ANKRD45: variants seen among roughly 807,000 people sequenced by gnomAD.
ANKRD45 encodes the protein ankyrin repeat domain 45, also known as ankyrin repeat domain-containing protein 45.
ANKRD45 carries 21 observed loss-of-function variants against 28.1 expected under a neutral mutation model. The observed-to-expected ratio is 0.75, with a 90% CI of 0.53 to 1.08. The LOEUF is 1.08. Ranked by LOEUF, ANKRD45 falls within the 50% of genes least tolerant of loss-of-function variation. ANKRD45 has a pLI of 0.00. For missense variants in ANKRD45, 261 were observed against 308.7 expected, an observed-to-expected ratio of 0.85 and a Z score of 1.16; for synonymous variants, 86 against 103.9, an observed-to-expected ratio of 0.83 and a Z score of 1.05.
chr1:173,678,261 A>T, the ANKRD45 span, among the ~76,000 whole-genome samples: 4 of 152,192 alleles, frequency 2.6e-5, no homozygotes, highest in African/African-American at 4.8e-5. Flanking sequence ...ACAAAACAAA[A>T]AAAGAAAATT....
At position 173,669,801 on chromosome 1, in the gene ANKRD45, G is replaced by C. The variant is rs1670188032; in HGVS notation, c.-16+16C>G. On this transcript the variant is annotated intron_variant, in intron 1 of 5. Transcript: ENST00000333279. ...GTGCCCACCCCGGCCCACAGCGCCA[G>C]GACCCCTAGACTCACCACACCCGGG... The C allele has an allele frequency of 4.6e-6, 1 of 218,758 alleles. No homozygotes were observed. The highest frequency in any genetic ancestry group is 1.0e-5 in the Non-Finnish European group (1 of 97,346). 13.6% of individuals were successfully genotyped at this position (218,758 alleles called of 1,614,324 possible).
the ANKRD45 span, among the ~76,000 whole-genome samples, chr1:173,685,952 T>C: frequency 6.6e-6 from 1 of 152,090 alleles, no homozygotes; most frequent in African/African-American, 2.4e-5. Flanking sequence ...TTTAGGAAAT[T>C]ACAAAAACCG....
the ANKRD45 span, among the ~76,000 whole-genome samples, chr1:173,706,728 ATTCT>A: frequency 9.9e-5 from 15 of 152,148 alleles, no homozygotes; most frequent in African/African-American, 3.1e-4. Context: ...AGTCTTTTAG[ATTCT>A]TTCTAATTTT....
rs558787622 is a variant in ANKRD45, at chr1:173,652,797, G to A, written c.329-5784C>T. Among the ~76,000 whole-genome samples, 81 of 151,710 alleles carry A rather than the reference G, an allele frequency of 5.3e-4. 1 individual carries two copies. The highest frequency in any genetic ancestry group is 1.8e-3 in the African/African-American group (74 of 41,170). The stretch of plus-strand genomic sequence containing the variant: ...GATCCTGTTATTGGTCTATTCAGCA[G>A]TTCAACTTCTTCCTGGTTTAGTCTT... On this transcript the variant is annotated intron_variant, in intron 2 of 5. Coordinates refer to ENST00000333279, the MANE Select transcript of ANKRD45 (RefSeq NM_198493.3).
At chr1:173,617,697 G>A (rs993179014) in intron 5 of ANKRD45, among the ~76,000 whole-genome samples, 8 of 152,218 alleles carry the variant, frequency 5.3e-5, no homozygotes, top group African/African-American at 1.9e-4. Flanking sequence ...CAGCCTTTCG[G>A]CCTGCTGGCT....
At chr1:173,647,147 A>G (rs1051706284) in intron 2 of ANKRD45, 134 bp from the exon 3 acceptor site, 5 of 760,716 alleles carry the variant, frequency 6.6e-6, no homozygotes, top group Non-Finnish European at 5.9e-6. Flanking sequence ...ACTGTCTTAC[A>G]TATAGAAAAC....
chr1:173,653,539 A>G (rs1669342706), intron 2 of ANKRD45, among the ~76,000 whole-genome samples: 1 of 152,192 alleles, frequency 6.6e-6, no homozygotes, highest in Non-Finnish European at 1.5e-5. Context: ...ATTTTAGAAT[A>G]AGTGTGATAT....
intron 2 of ANKRD45, among the ~76,000 whole-genome samples, chr1:173,654,096 A>G (rs1669379257): frequency 6.6e-6 from 1 of 151,678 alleles, no homozygotes; most frequent in Admixed American, 6.6e-5. Flanking sequence ...CGGCATTTAC[A>G]TTTATGGTTA....
chr1:173,711,931 C>T, the ANKRD45 span, among the ~76,000 whole-genome samples: 9 of 152,288 alleles, frequency 5.9e-5, no homozygotes, highest in African/African-American at 2.2e-4. Context: ...AGGGACTGCT[C>T]TTATCCTGGA....
chr1:173,619,658 T>A (rs917629403), intron 5 of ANKRD45, among the ~76,000 whole-genome samples: 5 of 151,980 alleles, frequency 3.3e-5, no homozygotes, highest in Middle Eastern at 6.8e-3. Context: ...TGAAACCCAG[T>A]CTCTACTAAA....
At chr1:173,701,500 T>C in the ANKRD45 span, among the ~76,000 whole-genome samples, 1 of 152,218 alleles carries the variant, frequency 6.6e-6, no homozygotes, top group Non-Finnish European at 1.5e-5. Context: ...TAAAAAAGGA[T>C]GAGTTCATAT....
intron 2 of ANKRD45, among the ~76,000 whole-genome samples, chr1:173,654,142 A>T (rs535187673): frequency 5.9e-5 from 9 of 152,176 alleles, no homozygotes; most frequent in South Asian, 4.1e-4. Context: ...TGACATTATG[A>T]TGTTAGCTGA....
rs764323555 is a variant in ANKRD45, at chr1:173,659,187, T to C, written c.232A>G (p.Arg78Gly). The C allele has an allele frequency of 6.2e-7, 1 of 1,614,050 alleles. No homozygotes were observed. The highest frequency in any genetic ancestry group is 1.1e-5 in the South Asian group (1 of 91,078). ...ATGCAAGCTGCATACAACAAATTTC[T>C]CCCAACGATGTCTTCTTCTAAGAGA... ...QLLLEEDIVGRNLLYAACMAG... is the reference protein window; with the variant it reads ...QLLLEEDIVGGNLLYAACMAG... Residue 78 changes from arginine to glycine, a missense_variant, in exon 2 of 6, where the codon AGA becomes GGA. Transcript: ENST00000333279.
intron 3 of ANKRD45, among the ~76,000 whole-genome samples, chr1:173,644,310 T>C (rs981625453): frequency 1.3e-5 from 2 of 152,214 alleles, no homozygotes; most frequent in African/African-American, 4.8e-5. Flanking sequence ...GCTACATTAC[T>C]ATGAAACTCC....
upstream of ANKRD45, among the ~76,000 whole-genome samples, chr1:173,671,876 C>T (rs1422429811): frequency 4.7e-5 from 7 of 147,714 alleles, 1 homozygote; most frequent in African/African-American, 1.5e-4. Flanking sequence ...AGCAAGACTC[C>T]GTCTCAAAAA....
At chr1:173,624,750 C>A in intron 5 of ANKRD45, 37 bp downstream of exon 5, 2 of 1,589,938 alleles carry the variant, frequency 1.3e-6, no homozygotes, top group Non-Finnish European at 8.6e-7. Flanking sequence ...ATTTTCATCC[C>A]TTCTGACATT....
chr1:173,659,437 T>G lies in ANKRD45; in HGVS notation c.-15-4A>C. ...ACTCCATTAACTCCAAAAATACCTA[T>G]GACCAAAAAAATAAAAAAGTGATAA... On this transcript the variant is annotated splice_polypyrimidine_tract_variant and splice_region_variant and intron_variant, in intron 1 of 5. Coordinates refer to ENST00000333279, the MANE Select transcript of ANKRD45 (RefSeq NM_198493.3). 1 of 1,503,600 alleles carries G rather than the reference T, an allele frequency of 6.7e-7. No individual in the cohort carries two copies. Among genetic ancestry groups the G allele is most frequent in the Non-Finnish European group, 8.9e-7 (1 of 1,127,874 alleles). The allele number at this position is 1,503,600 out of a possible 1,614,324, so 93.1% of individuals were successfully genotyped here.
chr1:173,651,900 T>C (rs941862079), intron 2 of ANKRD45, among the ~76,000 whole-genome samples: 1 of 152,224 alleles, frequency 6.6e-6, no homozygotes, highest in Non-Finnish European at 1.5e-5. Context: ...TCTGTTTCTC[T>C]GTTATTGGCG....
chr1:173,617,204 C>A (rs1344394819), intron 5 of ANKRD45, among the ~76,000 whole-genome samples: 3 of 152,078 alleles, frequency 2.0e-5, no homozygotes, highest in African/African-American at 7.2e-5. Flanking sequence ...GGAATCCCAG[C>A]AAGGCAGGAG....
Sources: allele counts gnomAD v4.1 joint callset (sites outside exome capture counted in the v4.1 genomes callset), GRCh38; gene constraint gnomAD v4.1.1; transcripts MANE v1.5; gene names NCBI Gene and HGNC (gene_info 2026-07-23, HGNC 2026-07-21).